NRF1: variants seen among roughly 807,000 people sequenced by gnomAD.
NRF1 encodes nuclear respiratory factor 1, also known as alpha palindromic-binding protein.
A neutral mutation model predicts 58.5 loss-of-function variants in NRF1; 5 were observed. The ratio of observed to expected loss-of-function variants is 0.09; its 90% confidence interval spans 0.04 to 0.18. The LOEUF is 0.18. Ranked by LOEUF, NRF1 falls within the 10% of genes least tolerant of loss-of-function variation. The pLI is 1.00. For synonymous variants in NRF1, 224 were observed against 246.7 expected (o/e 0.91, Z 0.86); for missense variants, 288 against 657.7 (o/e 0.44, Z 6.15).
chr7:129,755,339 A>G lies in NRF1; in HGVS notation c.*158A>G. ...GGAAGAAAGCGGATTTTGGAATTGC[A>G]TTTTTTAAAGCACCACTCTTGATTT... On this transcript the variant is annotated 3_prime_UTR_variant, in exon 11 of 11. Coordinates refer to ENST00000393232, the MANE Select transcript of NRF1 (RefSeq NM_005011.5). The surrounding 1 kb of genome is among the most constrained non-coding windows in gnomAD (Gnocchi z 5.8). 1.5e-6 allele frequency: 1 copy of G among 657,208 alleles called. No individual in the cohort carries two copies. Among genetic ancestry groups the G allele is most frequent in the South Asian group, 2.7e-5 (1 of 36,910 alleles). 40.7% of individuals were successfully genotyped at this position (657,208 alleles called of 1,614,324 possible).
At chr7:129,661,674 A>G (rs1030740858) in intron 2 of NRF1, among the ~76,000 whole-genome samples, 3 of 150,912 alleles carry the variant, frequency 2.0e-5, no homozygotes, top group East Asian at 1.9e-4. Context: ...CCATATCACT[A>G]TCAGCATTTT....
intron 1 of NRF1, among the ~76,000 whole-genome samples, chr7:129,622,419 G>T (rs1014183587): frequency 1.5e-4 from 23 of 151,964 alleles, no homozygotes; most frequent in African/African-American, 5.6e-4. Context: ...TTCTAAGTCT[G>T]TGTTACATGT....
chr7:129,657,607 A>T (rs1226032674), intron 2 of NRF1, 33 bp downstream of exon 2: 83 of 1,000,458 alleles, frequency 8.3e-5, no homozygotes, highest in South Asian at 1.0e-4. Context: ...CTCTTCTTTA[A>T]TTTTTTTTTT....
chr7:129,695,596 A>T (rs1236557308), intron 5 of NRF1, among the ~76,000 whole-genome samples: 4 of 150,988 alleles, frequency 2.6e-5, no homozygotes. Context: ...AAACAAAAAA[A>T]ACTGATTGTA....
intron 10 of NRF1, among the ~76,000 whole-genome samples, chr7:129,729,092 A>T (rs957062148): frequency 6.6e-6 from 1 of 152,178 alleles, no homozygotes; most frequent in African/African-American, 2.4e-5. Context: ...TCACTATGGA[A>T]CTGCTAAAAA....
At chr7:129,658,798 T>A (rs1225094640) in intron 2 of NRF1, among the ~76,000 whole-genome samples, 1 of 151,960 alleles carries the variant, frequency 6.6e-6, no homozygotes, top group Non-Finnish European at 1.5e-5. Context: ...CCAATTTTGA[T>A]CAAAAGTATT....
chr7:129,705,140 G>A (rs1286117842), intron 5 of NRF1, among the ~76,000 whole-genome samples: 1 of 152,160 alleles, frequency 6.6e-6, no homozygotes, highest in African/African-American at 2.4e-5. Context: ...CTTGATGACT[G>A]AGGTAATAAT....
At chr7:129,686,940 A>G (rs969385628) in intron 4 of NRF1, among the ~76,000 whole-genome samples, 4 of 152,258 alleles carry the variant, frequency 2.6e-5, no homozygotes, top group African/African-American at 4.8e-5. Flanking sequence ...AAAAACATTG[A>G]TAAATGTTGA....
chr7:129,642,143 T>G (rs1008496562), intron 1 of NRF1, among the ~76,000 whole-genome samples: 10 of 151,822 alleles, frequency 6.6e-5, no homozygotes, highest in Non-Finnish European at 7.4e-5. Context: ...CATGCCCAGC[T>G]AATTTTTTGT....
At chr7:129,682,472 AC>A (rs1248212939) in intron 4 of NRF1, among the ~76,000 whole-genome samples, 3 of 151,746 alleles carry the variant, frequency 2.0e-5, no homozygotes, top group Non-Finnish European at 2.9e-5. Context: ...GAAAAAAAAA[AC>A]AAAACAAAAA....
chr7:129,651,024 G>T (rs1801522328), intron 1 of NRF1, among the ~76,000 whole-genome samples: 1 of 152,090 alleles, frequency 6.6e-6, no homozygotes. Context: ...CTTCTTTTAT[G>T]ATTTTATGGA....
intron 1 of NRF1, among the ~76,000 whole-genome samples, chr7:129,629,802 A>G (rs1175650173): frequency 2.0e-5 from 3 of 152,240 alleles, no homozygotes; most frequent in Admixed American, 1.3e-4. Flanking sequence ...GAGCACATGA[A>G]GGTGAAAGAT....
chr7:129,658,830 A>G (rs918534643), intron 2 of NRF1, among the ~76,000 whole-genome samples: 2 of 152,162 alleles, frequency 1.3e-5, no homozygotes, highest in Non-Finnish European at 2.9e-5. Flanking sequence ...AAAAGTAACA[A>G]TATAACAATT....
intron 5 of NRF1, among the ~76,000 whole-genome samples, chr7:129,702,625 G>A (rs575687645): frequency 6.6e-6 from 1 of 152,064 alleles, no homozygotes; most frequent in Non-Finnish European, 1.5e-5. Flanking sequence ...AAATAAAATT[G>A]GGTCTGTCAG....
chr7:129,694,283 T>G (rs1282572195), intron 5 of NRF1, among the ~76,000 whole-genome samples: 2 of 152,178 alleles, frequency 1.3e-5, no homozygotes, highest in African/African-American at 4.8e-5. Flanking sequence ...TCCTGGCATT[T>G]TCCCCCCTCA....
chr7:129,717,114 A>G, intron 8 of NRF1, 105 bp from the exon 9 acceptor site: 1 of 1,081,046 alleles, frequency 9.3e-7, no homozygotes, highest in Non-Finnish European at 1.3e-6. Context: ...TTAATTTTAA[A>G]GAGTATGTGT....
chr7:129,611,901 CCGGCCCGCCCCG>C (rs1373433104), intron 1 of NRF1, 77 bp downstream of exon 1: 1 of 148,744 alleles, frequency 6.7e-6, no homozygotes, highest in East Asian at 1.9e-4. Context: ...CGCCGGCCGG[CCGGCCCGCCCCG>C]CAGCCGGCAC....
chr7:129,735,939 T>G (rs1235022597), intron 10 of NRF1, among the ~76,000 whole-genome samples: 1 of 151,542 alleles, frequency 6.6e-6, no homozygotes, highest in Non-Finnish European at 1.5e-5. Context: ...ACCTGGGAGG[T>G]GGAGCTTGCA....
At chr7:129,718,106 C>T (rs933678787) in intron 9 of NRF1, among the ~76,000 whole-genome samples, 1 of 152,092 alleles carries the variant, frequency 6.6e-6, no homozygotes, top group African/African-American at 2.4e-5. Flanking sequence ...TTCTGAAACT[C>T]GATTGTATTA....
Sources: allele counts gnomAD v4.1 joint callset (sites outside exome capture counted in the v4.1 genomes callset), GRCh38; gene constraint gnomAD v4.1.1; non-coding constraint Gnocchi (gnomAD v3.1); transcripts MANE v1.5; gene names NCBI Gene and HGNC (gene_info 2026-07-23, HGNC 2026-07-21).